The following GNAS-AS1 variants were observed in gnomAD, a reference collection of about 807,000 sequenced individuals.
GNAS-AS1 encodes GNAS antisense RNA 1 (non-protein coding).
At chr20:58,837,351 A>T (rs1165365759) in intron 4 of GNAS-AS1, among the ~76,000 whole-genome samples, 1 of 152,232 alleles carries the variant, frequency 6.6e-6, no homozygotes, top group Non-Finnish European at 1.5e-5. Context: ...ATACAGCTCT[A>T]AATGCCCCTG....
rs1023594594 is a variant in GNAS-AS1, at chr20:58,839,248, G to A, written n.819+2689C>T. On this transcript the variant is annotated intron_variant and non_coding_transcript_variant, in intron 4 of 4. Coordinates refer to ENST00000424094, the Ensembl canonical transcript of GNAS-AS1. ...TTGTTTGGAAACTTTTCTAATTACA[G>A]TCACTATAACAGATCTGCTAAAGGT... The A allele has an allele frequency of 1.0e-5, 4 of 398,504 alleles. No individual in the cohort carries two copies. The Admixed American group carries it at 1.8e-4, about 18-fold the overall frequency. 24.7% of individuals were successfully genotyped at this position (398,504 alleles called of 1,614,324 possible). A position where few individuals can be genotyped will look rare whatever the true frequency, so the allele number is the denominator to read the frequency against.
chr20:58,839,621 TGCGCCACAGGCTCG>T (rs1419226501), intron 4 of GNAS-AS1: 1 of 421,978 alleles, frequency 2.4e-6, no homozygotes, highest in East Asian at 3.4e-5. Context: ...CACTAGGGTC[TGCGCCACAGGCTCG>T]GCGCCACCAC....
At chr20:58,820,831 A>AC (rs1278647234) in intron 4 of GNAS-AS1, among the ~76,000 whole-genome samples, 1 of 151,936 alleles carries the variant, frequency 6.6e-6, no homozygotes, top group Admixed American at 6.6e-5. Flanking sequence ...GGAAAGACCC[A>AC]CCCCCATACT....
chr20:58,837,699 T>C (rs977189974), intron 4 of GNAS-AS1, among the ~76,000 whole-genome samples: 1 of 152,306 alleles, frequency 6.6e-6, no homozygotes, highest in East Asian at 1.9e-4. Context: ...CGCCTCGGCC[T>C]CCCAAAGTGC....
At chr20:58,846,565 G>A (rs147756102) in intron 2 of GNAS-AS1, among the ~76,000 whole-genome samples, 2 of 152,206 alleles carry the variant, frequency 1.3e-5, no homozygotes, top group Admixed American at 1.3e-4. Flanking sequence ...CAAGGCTAAA[G>A]CTTTGGGTTT....
chr20:58,823,937 A>G (rs1428384637), intron 4 of GNAS-AS1: 5 of 398,412 alleles, frequency 1.3e-5, no homozygotes, highest in Non-Finnish European at 1.3e-5. Flanking sequence ...ACATAGGTCC[A>G]GCACAATGCC....
At chr20:58,843,363 A>G (rs1430772868) in intron 2 of GNAS-AS1, 3 of 152,148 alleles carry the variant, frequency 2.0e-5, no homozygotes, top group Non-Finnish European at 4.4e-5. Flanking sequence ...GGATTTTGCT[A>G]TATAGACTTC....
At chr20:58,838,056 A>G (rs1015685761) in intron 4 of GNAS-AS1, among the ~76,000 whole-genome samples, 3 of 152,178 alleles carry the variant, frequency 2.0e-5, no homozygotes, top group African/African-American at 7.2e-5. Context: ...CTGACTCAAG[A>G]AGGAGAAAAG....
chr20:58,824,208 G>A, intron 4 of GNAS-AS1: 1 of 397,276 alleles, frequency 2.5e-6, no homozygotes, highest in East Asian at 3.6e-5. Context: ...AAGGGCTCCA[G>A]AAGAAAAGGT....
intron 4 of GNAS-AS1, among the ~76,000 whole-genome samples, chr20:58,819,627 A>G (rs1263431116): frequency 6.6e-6 from 1 of 152,174 alleles, no homozygotes; most frequent in Non-Finnish European, 1.5e-5. Context: ...CCTCAAGAAC[A>G]GAGGGCAAGA....
Position 58,841,781 on chromosome 20 carries a change from G to T in GNAS-AS1, n.819+156C>A, listed in dbSNP as rs1352805802. 4.9e-5 allele frequency: 60 copies of T among 1,230,372 alleles called. No individual in the cohort carries two copies. Among genetic ancestry groups the T allele is most frequent in the Non-Finnish European group, 5.6e-5 (55 of 987,704 alleles). 76.2% of individuals were successfully genotyped at this position (1,230,372 alleles called of 1,614,324 possible). ...TATTGCCAAGCTTTTGGCGCAGCTG[G>T]TCGGGTGGCCAGGCTGCATGCGGCT... On this transcript the variant is annotated intron_variant and non_coding_transcript_variant, in intron 4 of 4. Transcript: ENST00000424094. This position sits in a 1 kb window ranked among gnomAD's most constrained non-coding sequence, Gnocchi z 5.0.
intron 4 of GNAS-AS1, among the ~76,000 whole-genome samples, chr20:58,830,437 TCATTACCAC>T (rs2085553531): frequency 1.9e-5 from 1 of 53,318 alleles, no homozygotes; most frequent in African/African-American, 7.7e-5. Context: ...CACACCACCA[TCATTACCAC>T]CACCACCATC....
chr20:58,826,178 TA>T, intron 4 of GNAS-AS1: 1 of 398,550 alleles, frequency 2.5e-6, no homozygotes, highest in Admixed American at 4.4e-5. Context: ...ACTTCTCTTT[TA>T]AAAGTGCTAA....
exon 1 of GNAS-AS1, chr20:58,850,727 G>C (rs2086126254): frequency 5.0e-6 from 2 of 398,734 alleles, no homozygotes; most frequent in Non-Finnish European, 8.8e-6. Flanking sequence ...CCAAGGGTTG[G>C]CCCCTGGGAC....
chr20:58,820,150 C>T (rs116753819), intron 4 of GNAS-AS1, among the ~76,000 whole-genome samples: 2,154 of 152,352 alleles, frequency 0.014, 49 homozygotes, highest in African/African-American at 0.048. Context: ...TGATGGTGTG[C>T]GCCAGCCACC....
At chr20:58,829,677 C>A (rs1226822160) in intron 4 of GNAS-AS1, among the ~76,000 whole-genome samples, 1 of 152,250 alleles carries the variant, frequency 6.6e-6, no homozygotes, top group African/African-American at 2.4e-5. Context: ...GCCACATGCT[C>A]ACCCTTCAGT....
exon 5 of GNAS-AS1, chr20:58,819,089 T>C (rs2085468385): frequency 2.5e-6 from 1 of 398,628 alleles, no homozygotes; most frequent in African/African-American, 2.1e-5. Context: ...CTCACCAAAC[T>C]CTCTTTGCTT....
intron 2 of GNAS-AS1, among the ~76,000 whole-genome samples, chr20:58,847,007 G>C (rs1323452543): frequency 6.6e-6 from 1 of 152,118 alleles, no homozygotes; most frequent in African/African-American, 2.4e-5. Context: ...CTCCTCCCCT[G>C]AAATTCTTTG....
chr20:58,826,485 G>T (rs2085521292), intron 4 of GNAS-AS1, among the ~76,000 whole-genome samples: 1 of 152,156 alleles, frequency 6.6e-6, no homozygotes, highest in Non-Finnish European at 1.5e-5. Flanking sequence ...TGGGGCCAAA[G>T]GGGAACAGGG....
Sources: gnomAD v4.1 joint callset for allele counts (sites outside exome capture counted in the v4.1 genomes callset) on GRCh38, gnomAD v4.1.1 for gene constraint, Gnocchi (gnomAD v3.1) non-coding constraint, MANE v1.5 for transcripts, NCBI Gene and HGNC (gene_info 2026-07-23, HGNC 2026-07-21) for gene names.